The following ARHGAP15 variants were observed in gnomAD, a reference collection of about 807,000 sequenced individuals.
ARHGAP15 encodes rho GTPase-activating protein 15.
In ARHGAP15, 51 loss-of-function variants were observed where a neutral mutation model predicts 63.7. The ratio of observed to expected loss-of-function variants is 0.80; its 90% CI spans 0.64 to 1.01. ARHGAP15 has a LOEUF of 1.01. Ranked by LOEUF, ARHGAP15 falls within the 50% of genes least tolerant of loss-of-function variation. The pLI, the probability that ARHGAP15 is intolerant of heterozygous loss-of-function variation, is 0.00. For missense variants in ARHGAP15, 560 were observed against 564.6 expected (o/e 0.99, Z 0.08); for synonymous variants, 191 against 193.8 (o/e 0.99, Z 0.12).
chr2:143,745,369 C>A (rs1287807908), intron 13 of ARHGAP15, among the ~76,000 whole-genome samples: 1 of 152,206 alleles, frequency 6.6e-6, no homozygotes, highest in Non-Finnish European at 1.5e-5. Context: ...CACCATCAGC[C>A]AGGTGAAGCA....
At chr2:143,625,614 C>A (rs2731562) in intron 12 of ARHGAP15, among the ~76,000 whole-genome samples, 70,142 of 151,918 alleles carry the variant, frequency 0.46, 16,542 homozygotes, top group Non-Finnish European at 0.51. Flanking sequence ...TTTCATAGTT[C>A]AGCATGCTTT....
At position 143,698,494 on chromosome 2, in the gene ARHGAP15, C is replaced by A. The variant is rs531459046; in HGVS notation, c.1139-4925C>A. 2.6e-5 allele frequency among the ~76,000 whole-genome samples: 4 copies of A among 151,008 alleles called. No individual in the cohort carries two copies. In the South Asian group the frequency reaches 8.5e-4, roughly 32 times the overall value. On this transcript the variant is annotated intron_variant, in intron 12 of 13. Coordinates refer to ENST00000295095, the MANE Select transcript of ARHGAP15 (RefSeq NM_018460.4). The stretch of plus-strand genomic sequence containing the variant: ...ACGTAGGTGTTACTTCTCTGAACAG[C>A]ATGGAATCATTTTTTAAACTTGTTT...
intron 2 of ARHGAP15, among the ~76,000 whole-genome samples, chr2:143,191,508 C>T (rs1021912308): frequency 2.6e-5 from 4 of 152,146 alleles, no homozygotes; most frequent in African/African-American, 2.4e-5. Flanking sequence ...CTAAGTATTG[C>T]AGATTTAAAG....
At chr2:143,537,922 A>C (rs906491529) in intron 10 of ARHGAP15, among the ~76,000 whole-genome samples, 1 of 151,860 alleles carries the variant, frequency 6.6e-6, no homozygotes, top group Non-Finnish European at 1.5e-5. Flanking sequence ...GAAGAAAGTC[A>C]TTGGTAGCTT....
chr2:143,352,800 CATAA>C (rs1202676953), intron 6 of ARHGAP15, among the ~76,000 whole-genome samples: 12 of 152,300 alleles, frequency 7.9e-5, no homozygotes, highest in Admixed American at 6.5e-4. Context: ...ATTATTTCCA[CATAA>C]ATAAACTGTC....
chr2:143,679,483 A>G (rs1227870835), intron 12 of ARHGAP15, among the ~76,000 whole-genome samples: 1 of 152,168 alleles, frequency 6.6e-6, no homozygotes, highest in Non-Finnish European at 1.5e-5. Flanking sequence ...AATAATATAG[A>G]ACCAGAGCCA....
intron 11 of ARHGAP15, among the ~76,000 whole-genome samples, chr2:143,600,805 G>C (rs964233789): frequency 6.6e-6 from 1 of 152,032 alleles, no homozygotes; most frequent in East Asian, 1.9e-4. Flanking sequence ...TTGATTTTAG[G>C]TAAAAGATTC....
intron 12 of ARHGAP15, among the ~76,000 whole-genome samples, chr2:143,686,383 CAAAAAAAAAAAAAAAAAAAAA>C (rs35554349): frequency 3.6e-5 from 2 of 55,076 alleles, no homozygotes; most frequent in Admixed American, 2.9e-4. Flanking sequence ...GACTCTGTCT[CAAAAAAAAAAAAAAAAAAAAA>C]AAAAAAAAAA....
intron 6 of ARHGAP15, among the ~76,000 whole-genome samples, chr2:143,347,311 G>A (rs1685342830): frequency 6.6e-6 from 1 of 152,154 alleles, no homozygotes; most frequent in African/African-American, 2.4e-5. Flanking sequence ...CAGTATTCAG[G>A]CCATCAACGT....
chr2:143,720,244 C>A (rs770651806), intron 13 of ARHGAP15, among the ~76,000 whole-genome samples: 9 of 152,144 alleles, frequency 5.9e-5, no homozygotes, highest in South Asian at 2.1e-4. Context: ...CACAACACAG[C>A]AGTTTAGTAT....
intron 12 of ARHGAP15, among the ~76,000 whole-genome samples, chr2:143,670,289 G>A (rs1271321740): frequency 6.6e-6 from 1 of 152,054 alleles, no homozygotes; most frequent in Non-Finnish European, 1.5e-5. Flanking sequence ...TATTTCTAGT[G>A]CTACTGTATT....
At chr2:143,266,005 C>T (rs891176227) in intron 6 of ARHGAP15, among the ~76,000 whole-genome samples, 4 of 151,630 alleles carry the variant, frequency 2.6e-5, no homozygotes, top group Non-Finnish European at 4.4e-5. Context: ...TAAAATTATT[C>T]AGTTACATCA....
chr2:143,539,692 G>C (rs1158041201), intron 10 of ARHGAP15, among the ~76,000 whole-genome samples: 2 of 152,088 alleles, frequency 1.3e-5, no homozygotes, highest in Admixed American at 1.3e-4. Flanking sequence ...GAGCAGTTTT[G>C]AGTGAGTTTC....
chr2:143,621,840 T>C (rs1698658368), intron 11 of ARHGAP15, among the ~76,000 whole-genome samples: 1 of 152,232 alleles, frequency 6.6e-6, no homozygotes. Context: ...TGTTTTCCTT[T>C]GGTTAAGCCA....
chr2:143,207,996 G>A (rs1244301787), intron 3 of ARHGAP15, among the ~76,000 whole-genome samples: 3 of 151,964 alleles, frequency 2.0e-5, no homozygotes, highest in Non-Finnish European at 4.4e-5. Flanking sequence ...ATGCCTTAGG[G>A]TGGCTTCCAG....
At chr2:143,383,882 A>AT (rs773304964) in intron 6 of ARHGAP15, among the ~76,000 whole-genome samples, 6 of 152,196 alleles carry the variant, frequency 3.9e-5, no homozygotes, top group Non-Finnish European at 8.8e-5. Flanking sequence ...TAGGGGCAGG[A>AT]TTTACAAGAT....
At chr2:143,605,858 CAAAAAAAAAAAAAA>C (rs373847590) in intron 11 of ARHGAP15, among the ~76,000 whole-genome samples, 15 of 85,310 alleles carry the variant, frequency 1.8e-4, no homozygotes, top group Non-Finnish European at 2.8e-4. Flanking sequence ...TACTAAAATA[CAAAAAAAAAAAAAA>C]AAAAAAAAAA....
chr2:143,448,209 T>C (rs1469033659), intron 8 of ARHGAP15, among the ~76,000 whole-genome samples: 1 of 151,990 alleles, frequency 6.6e-6, no homozygotes, highest in Non-Finnish European at 1.5e-5. Context: ...GTGCAAAACA[T>C]TGGGGCAACA....
In ARHGAP15 at chr2:143,153,783, T is replaced by A. The variant is rs988218715; in HGVS notation, c.-14-1694T>A. Reference sequence around the variant, plus strand: ...AAATGAAATTATATAATAAATCTTCTTCTTCTTCTTCTTCTTCTTCTTCTT... The same window carrying A: ...AAATGAAATTATATAATAAATCTTCATCTTCTTCTTCTTCTTCTTCTTCTT... On this transcript the variant is annotated intron_variant, in intron 1 of 13. Coordinates refer to ENST00000295095, the MANE Select transcript of ARHGAP15 (RefSeq NM_018460.4). 2.0e-3 allele frequency among the ~76,000 whole-genome samples: 52 copies of A among 25,776 alleles called. 2 individuals are homozygous for A. Among genetic ancestry groups the A allele is most frequent in the African/African-American group, 7.9e-3 (49 of 6,192 alleles). The allele number at this position is 25,776 out of a possible 152,430, so 16.9% of individuals were successfully genotyped here.
Sources: gnomAD v4.1 joint callset for allele counts (sites outside exome capture counted in the v4.1 genomes callset) on GRCh38, gnomAD v4.1.1 for gene constraint, MANE v1.5 for transcripts, NCBI Gene and HGNC (gene_info 2026-07-23, HGNC 2026-07-21) for gene names.